Variants in FAM184A observed in about 807,000 individuals in gnomAD.
The protein encoded by FAM184A is family with sequence similarity 184 member A.
FAM184A carries 99 observed loss-of-function variants against 143.8 expected under a neutral mutation model. The ratio of observed to expected loss-of-function variants is 0.69; its 90% confidence interval spans 0.58 to 0.81. FAM184A has a LOEUF of 0.81. Among genes scored for constraint, FAM184A ranks in the 40% least tolerant of loss-of-function variants. The pLI is 0.00. For missense variants in FAM184A, 1,217 were observed against 1,310.5 expected (o/e 0.93, Z 1.10); for synonymous variants, 427 against 446.4 (o/e 0.96, Z 0.55).
At chr6:119,086,081 C>T (rs898678642) in intron 1 of FAM184A, among the ~76,000 whole-genome samples, 4 of 152,094 alleles carry the variant, frequency 2.6e-5, no homozygotes, top group Admixed American at 6.5e-5. Context: ...AGATCCAAAC[C>T]ATATCACACC....
chr6:119,078,619 C>A lies in FAM184A; in HGVS notation c.-320G>T. 1 of 203,512 alleles carries A rather than the reference C, an allele frequency of 4.9e-6. No homozygotes were observed. The highest frequency in any genetic ancestry group is 9.9e-6 in the Non-Finnish European group (1 of 101,506). The allele number at this position is 203,512 out of a possible 1,614,324, so 12.6% of individuals were successfully genotyped here. Reference sequence around the variant, plus strand: ...GGCGGAGGCGTCGAGGACAGCGCAGCTCCGCGGGTCCCGCTCGCAGCCCGC... The same window carrying A: ...GGCGGAGGCGTCGAGGACAGCGCAGATCCGCGGGTCCCGCTCGCAGCCCGC... On this transcript the variant is annotated 5_prime_UTR_variant, in exon 1 of 18. Coordinates refer to ENST00000338891, the MANE Select transcript of FAM184A (RefSeq NM_024581.6). The surrounding 1 kb of genome is among the most constrained non-coding windows in gnomAD (Gnocchi z 5.5).
intron 5 of FAM184A, among the ~76,000 whole-genome samples, chr6:119,015,188 C>G (rs1361411796): frequency 6.6e-6 from 1 of 152,212 alleles, no homozygotes; most frequent in Non-Finnish European, 1.5e-5. Context: ...CTCGCTTGCT[C>G]TCGGCGCCTC....
At chr6:119,060,990 ACATCTTC>A (rs1787213216) in intron 1 of FAM184A, among the ~76,000 whole-genome samples, 1 of 152,236 alleles carries the variant, frequency 6.6e-6, no homozygotes, top group Non-Finnish European at 1.5e-5. Context: ...ATGGACTAAT[ACATCTTC>A]CATGTGGCTG....
intron 1 of FAM184A, among the ~76,000 whole-genome samples, chr6:119,071,979 A>G (rs991462303): frequency 5.4e-5 from 8 of 146,972 alleles, no homozygotes; most frequent in Non-Finnish European, 8.9e-5. Context: ...CTTGTGCCTC[A>G]GCCTCCCAAG....
intron 1 of FAM184A, among the ~76,000 whole-genome samples, chr6:119,026,339 A>G (rs1273328557): frequency 6.6e-6 from 1 of 152,138 alleles, no homozygotes; most frequent in Non-Finnish European, 1.5e-5. Context: ...TCATTTACAC[A>G]TTTACTCATA....
chr6:119,006,005 T>A (rs1784905445), intron 7 of FAM184A: 2 of 695,316 alleles, frequency 2.9e-6, no homozygotes, highest in African/African-American at 1.7e-5. Context: ...TACCTCAGAA[T>A]GTGACTTTAT....
At chr6:119,008,849 T>C (rs939564619) in intron 6 of FAM184A, among the ~76,000 whole-genome samples, 1 of 152,182 alleles carries the variant, frequency 6.6e-6, no homozygotes, top group Non-Finnish European at 1.5e-5. Flanking sequence ...CTTATCATCT[T>C]TCAACTGTTT....
At position 118,989,953 on chromosome 6, in the gene FAM184A, C is replaced by T. The variant is rs984979060; in HGVS notation, c.2089-9603G>A. On this transcript the variant is annotated intron_variant, in intron 9 of 17. Transcript: ENST00000338891. ...AAGCCATTCTCCTGCCTCAGCCTCC[C>T]GAGTAGCTGGGATTACAGGTGCCCA... Among the ~76,000 whole-genome samples, 20 of 152,018 alleles carry T rather than the reference C, an allele frequency of 1.3e-4. 1 individual carries two copies. The highest frequency in any genetic ancestry group is 6.8e-3 in the Middle Eastern group (2 of 294).
At chr6:119,017,840 AAT>A (rs1785313756) in intron 4 of FAM184A, among the ~76,000 whole-genome samples, 1 of 152,090 alleles carries the variant, frequency 6.6e-6, no homozygotes. Flanking sequence ...TCCTTGCAAT[AAT>A]GAGTGAGCTC....
intron 16 of FAM184A, chr6:118,963,710 A>G (rs1200317799): frequency 6.6e-6 from 1 of 151,910 alleles, no homozygotes; most frequent in Non-Finnish European, 1.5e-5. Context: ...TATCACTTTT[A>G]TTTATTCTAC....
At chr6:119,014,780 T>C (rs1466107399) in intron 5 of FAM184A, among the ~76,000 whole-genome samples, 1 of 152,202 alleles carries the variant, frequency 6.6e-6, no homozygotes, top group African/African-American at 2.4e-5. Flanking sequence ...GGAAATCAGC[T>C]GAGTGCGGTA....
At chr6:119,093,629 G>C (rs1397763439) in intron 1 of FAM184A, among the ~76,000 whole-genome samples, 1 of 152,108 alleles carries the variant, frequency 6.6e-6, no homozygotes, top group African/African-American at 2.4e-5. Flanking sequence ...AGTCACTGGA[G>C]GGATCCCAAG....
chr6:119,014,203 A>G (rs1785170427), intron 5 of FAM184A, among the ~76,000 whole-genome samples: 1 of 152,278 alleles, frequency 6.6e-6, no homozygotes. Flanking sequence ...TATGTGGTAC[A>G]TAGTAAGAAG....
intron 1 of FAM184A, among the ~76,000 whole-genome samples, chr6:119,046,297 C>T (rs1165407389): frequency 6.6e-6 from 1 of 150,522 alleles, no homozygotes; most frequent in African/African-American, 2.4e-5. Context: ...GATCTAGGCT[C>T]ACTGCAATCT....
rs527492945 is a variant in FAM184A, at chr6:119,121,397, A to G, written c.-202+27681T>C. Among the ~76,000 whole-genome samples, 5 of 152,302 alleles carry G rather than the reference A, an allele frequency of 3.3e-5. No homozygotes were observed. The South Asian group carries it at 1.0e-3, about 32-fold the overall frequency. ...AGCAGTCAGCCCACCTGGGCCTCCC[A>G]AATTGTTGGGATTATAGGCGTGAGC... On this transcript the variant is annotated intron_variant, in intron 1 of 16. Coordinates refer to the FAM184A transcript ENST00000352896.
intron 1 of FAM184A, among the ~76,000 whole-genome samples, chr6:119,125,957 TG>T (rs1000326199): frequency 6.6e-6 from 1 of 152,218 alleles, no homozygotes; most frequent in Non-Finnish European, 1.5e-5. Flanking sequence ...ATAAATTTAA[TG>T]GCTTAAAACA....
intron 1 of FAM184A, among the ~76,000 whole-genome samples, chr6:119,142,407 A>T (rs988427154): frequency 1.3e-5 from 2 of 152,206 alleles, no homozygotes; most frequent in African/African-American, 4.8e-5. Flanking sequence ...ACAATTAGAA[A>T]GTTTCTAAAA....
intron 1 of FAM184A, among the ~76,000 whole-genome samples, chr6:119,140,541 C>A (rs1772191561): frequency 6.6e-6 from 1 of 152,200 alleles, no homozygotes; most frequent in Non-Finnish European, 1.5e-5. Context: ...ATTTTCGGAA[C>A]CATGCTCTCC....
At chr6:119,037,334 T>C (rs76233837) in intron 1 of FAM184A, among the ~76,000 whole-genome samples, 2,500 of 152,244 alleles carry the variant, frequency 0.016, 27 homozygotes, top group South Asian at 0.028. Context: ...TTGTTGTTTG[T>C]TTTTAAGTTT....
Sources: allele counts gnomAD v4.1 joint callset (sites outside exome capture counted in the v4.1 genomes callset), GRCh38; gene constraint gnomAD v4.1.1; non-coding constraint Gnocchi (gnomAD v3.1); transcripts MANE v1.5; gene names NCBI Gene and HGNC (gene_info 2026-07-23, HGNC 2026-07-21).